ODAD1: variants seen among roughly 807,000 people sequenced by gnomAD.
ODAD1 encodes the protein outer dynein arm docking complex subunit 1.
ODAD1 carries 49 observed loss-of-function variants against 67.2 expected under a neutral mutation model. The observed-to-expected ratio is 0.73, with a 90% confidence interval of 0.58 to 0.92. The LOEUF (loss-of-function observed/expected upper bound fraction) is 0.92, where lower values mean the gene tolerates loss of function less well. Ranked by LOEUF, ODAD1 falls within the 40% of genes least tolerant of loss-of-function variation. ODAD1 has a pLI of 0.00. For synonymous variants in ODAD1, 345 were observed against 393.7 expected (o/e 0.88, Z 1.46); for missense variants, 897 against 953.7 (o/e 0.94, Z 0.78).
rs762832505 is a variant in ODAD1, at chr19:48,306,264, G to A, written c.657C>T (p.Tyr219=). The change falls in exon 8 of 16, where the codon TAC becomes TAT. Residue 219 remains tyrosine, a synonymous_variant. Transcript: ENST00000674294. ...ATACCCGCAGTCTCTACCTGACGGC[G>A]TAGGCAGAGGTGGAGGAGAGGATAA... ...STLILSSTSA[Y]AVREEAKAKM... is the part of the protein sequence containing the mutation. 33 of 1,551,618 alleles carry A rather than the reference G, an allele frequency of 2.1e-5. No homozygotes were observed. Among genetic ancestry groups the A allele is most frequent in the East Asian group, 1.2e-4 (5 of 40,924 alleles).
At position 48,304,019 on chromosome 19, in the gene ODAD1, A is replaced by C. The variant is rs1276945729; in HGVS notation, c.787T>G (p.Phe263Val). ...QILHLEQLHH[F>V]LKLKNNDRQP... ...CGGTCGTTGTTCTTGAGCTTGAGGAAGTGGTGCAGCTGCTCCAGGTGCAAG... is the reference window on the plus strand; with the variant it reads ...CGGTCGTTGTTCTTGAGCTTGAGGACGTGGTGCAGCTGCTCCAGGTGCAAG... The change falls in exon 9 of 16, where the codon TTC becomes GTC. Residue 263 changes from phenylalanine to valine, a missense_variant. By Grantham distance (50) the Phe-to-Val change is conservative (BLOSUM62 -1). Transcript: ENST00000674294. 6.2e-7 allele frequency: 1 copy of C among 1,614,082 alleles called. No individual in the cohort carries two copies. Among genetic ancestry groups the C allele is most frequent in the Non-Finnish European group, 8.5e-7 (1 of 1,180,032 alleles).
intron 11 of ODAD1, 53 bp from the exon 12 acceptor site, chr19:48,302,915 G>A (rs190428141): frequency 3.7e-6 from 6 of 1,611,952 alleles, no homozygotes; most frequent in Non-Finnish European, 5.1e-6. Context: ...GGAGTTGGGG[G>A]TGTGGAGCTA....
chr19:48,313,757 A>G (rs1383763950), intron 5 of ODAD1, among the ~76,000 whole-genome samples: 1 of 151,958 alleles, frequency 6.6e-6, no homozygotes, highest in Non-Finnish European at 1.5e-5. Flanking sequence ...GGTGGTGCAC[A>G]CCTGTAGTCC....
rs1363943484 is a variant in ODAD1, at chr19:48,318,424, T to C, written c.323A>G (p.Glu108Gly). ...KGRAQVQAEI[E>G]ELQEQTRALD... The stretch of plus-strand genomic sequence containing the variant: ...GGCCCTGGTCTGCTCCTGCAGCTCC[T>C]CGATCTCCGCCTGCACCTGGGCCCG... Residue 108 changes from glutamate to glycine, a missense_variant, in exon 5 of 16, where the codon GAG (glutamate) becomes GGG (glycine). Coordinates refer to ENST00000674294, the MANE Select transcript of ODAD1 (RefSeq NM_001364171.2). 6.4e-7 allele frequency: 1 copy of C among 1,551,488 alleles called. No homozygotes were observed. Among genetic ancestry groups the C allele is most frequent in the African/African-American group, 1.4e-5 (1 of 73,026 alleles).
rs1199778697 is a variant in ODAD1 at position 48,299,267 on chromosome 19, C to T, written c.1241-927G>A. Among the ~76,000 whole-genome samples, 40 of 151,806 alleles carry T rather than the reference C, an allele frequency of 2.6e-4. 1 individual carries two copies. The highest frequency in any genetic ancestry group is 2.5e-3 in the Admixed American group (38 of 15,224). ...CTACTAAAAATACAAAAAAACTAGC[C>T]GGGCATGGTAGTGCAGGCCTGTAAT... On this transcript the variant is annotated intron_variant, in intron 12 of 15. Coordinates refer to ENST00000674294, the MANE Select transcript of ODAD1 (RefSeq NM_001364171.2).
chr19:48,306,218 T>A (rs1968603513), intron 8 of ODAD1, 38 bp downstream of exon 8: 1 of 1,551,082 alleles, frequency 6.4e-7, no homozygotes, highest in African/African-American at 1.4e-5. Context: ...TCCTGAGTCA[T>A]CTGGGTCCCG....
intron 14 of ODAD1, 111 bp from the exon 15 acceptor site, chr19:48,297,779 T>G (rs1968343467): frequency 1.9e-6 from 2 of 1,026,120 alleles, no homozygotes; most frequent in Non-Finnish European, 2.7e-6. Flanking sequence ...CAGCCCCGAG[T>G]GCCCTTCCCT....
chr19:48,314,867 G>C (rs1963510886), intron 5 of ODAD1, among the ~76,000 whole-genome samples: 1 of 151,846 alleles, frequency 6.6e-6, no homozygotes, highest in South Asian at 2.1e-4. Context: ...CTTGAGCCTG[G>C]CCTGGGAGGT....
At chr19:48,315,045 A>G (rs1339059002) in intron 5 of ODAD1, among the ~76,000 whole-genome samples, 1 of 152,092 alleles carries the variant, frequency 6.6e-6, no homozygotes, top group Non-Finnish European at 1.5e-5. Context: ...TCAACTGCAC[A>G]TGAATCCCAA....
intron 8 of ODAD1, among the ~76,000 whole-genome samples, chr19:48,305,264 GCTC>G (rs1386220180): frequency 2.6e-5 from 4 of 152,194 alleles, no homozygotes; most frequent in African/African-American, 7.2e-5. Flanking sequence ...AGCAGCTTCA[GCTC>G]CTCAACTCCT....
chr19:48,321,698 G>A lies in ODAD1; in HGVS notation c.-84C>T. The A allele has an allele frequency of 2.5e-6, 1 of 395,924 alleles. No homozygotes were observed. The allele number at this position is 395,924 out of a possible 1,614,324, so 24.5% of individuals were successfully genotyped here. A position where few individuals can be genotyped will look rare whatever the true frequency, so the allele number is the denominator to read the frequency against. ...AGTACCGCGGGCCTGGAAGCGGCGG[G>A]AGTTGAAAGAGCCTGCGGTGACCTG... is the stretch of plus-strand genomic sequence containing the variant. On this transcript the variant is annotated 5_prime_UTR_variant, in exon 1 of 16. Transcript: ENST00000674294.
intron 5 of ODAD1, among the ~76,000 whole-genome samples, chr19:48,312,721 C>T (rs1371198144): frequency 4.6e-5 from 7 of 152,170 alleles, no homozygotes; most frequent in African/African-American, 1.7e-4. Flanking sequence ...CCGGCCCTGA[C>T]TCCTTTCCTG....
chr19:48,305,698 GC>G (rs1163125577), intron 8 of ODAD1, among the ~76,000 whole-genome samples: 1 of 151,760 alleles, frequency 6.6e-6, no homozygotes, highest in Non-Finnish European at 1.5e-5. Flanking sequence ...GAGCCACCTC[GC>G]CCAGCCAGTA....
In ODAD1 at chr19:48,321,936, C is replaced by T; in HGVS notation, c.-322G>A. ...GCTTCCCGGGAAGCAGCCAAAAACG[C>T]TTGGCCGCCTACCACGTCCGCGCGC... On this transcript the variant is annotated 5_prime_UTR_variant, in exon 1 of 16. Coordinates refer to ENST00000674294, the MANE Select transcript of ODAD1 (RefSeq NM_001364171.2). 1 of 396,180 alleles carries T rather than the reference C, an allele frequency of 2.5e-6. No homozygotes were observed. The highest frequency in any genetic ancestry group is 4.5e-6 in the Non-Finnish European group (1 of 224,468). 24.5% of individuals were successfully genotyped at this position (396,180 alleles called of 1,614,324 possible).
chr19:48,301,448 G>A (rs1159739686), intron 12 of ODAD1, among the ~76,000 whole-genome samples: 1 of 151,912 alleles, frequency 6.6e-6, no homozygotes, highest in Non-Finnish European at 1.5e-5. Flanking sequence ...GTGGAATAAT[G>A]CATAAGTGCC....
At chr19:48,304,425 C>T (rs1205591182) in intron 8 of ODAD1, among the ~76,000 whole-genome samples, 1 of 152,172 alleles carries the variant, frequency 6.6e-6, no homozygotes, top group Non-Finnish European at 1.5e-5. Context: ...TTGAAACCAG[C>T]CTGGCCAACA....
chr19:48,320,432 G>C, intron 2 of ODAD1, 41 bp from the exon 3 acceptor site: 6 of 1,164,850 alleles, frequency 5.2e-6, no homozygotes, highest in Non-Finnish European at 6.7e-6. Context: ...ACAGCAGGCG[G>C]GCCAGGGCCC....
At chr19:48,306,413 G>T in intron 7 of ODAD1, 90 bp from the exon 8 acceptor site, 1 of 1,121,188 alleles carries the variant, frequency 8.9e-7, no homozygotes, top group Non-Finnish European at 1.3e-6. Flanking sequence ...CTCCAATAAG[G>T]AGTAAAGCTC....
intron 3 of ODAD1, chr19:48,320,036 C>T: frequency 1.9e-6 from 2 of 1,054,486 alleles, no homozygotes; most frequent in Non-Finnish European, 2.3e-6. Context: ...AACACCCTTC[C>T]TTCCTTCTCC....
Sources: gnomAD v4.1 joint callset for allele counts (sites outside exome capture counted in the v4.1 genomes callset) on GRCh38, gnomAD v4.1.1 for gene constraint, MANE v1.5 for transcripts, NCBI Gene and HGNC (gene_info 2026-07-23, HGNC 2026-07-21) for gene names.